Variants in DKK2 observed in about 807,000 individuals in gnomAD.
DKK2 encodes dickkopf-related protein 2.
In DKK2, 11 loss-of-function variants were observed where a neutral mutation model predicts 28.1. The ratio of observed to expected loss-of-function variants is 0.39; its 90% CI spans 0.25 to 0.65. DKK2 has a LOEUF of 0.65. Among genes scored for constraint, DKK2 ranks in the 30% least tolerant of loss-of-function variants. DKK2 has a pLI of 0.47. For synonymous variants in DKK2, 135 were observed against 126.5 expected (o/e 1.07, Z -0.45); for missense variants, 326 against 335.5 (o/e 0.97, Z 0.22).
intron 1 of DKK2, among the ~76,000 whole-genome samples, chr4:106,998,128 T>C (rs555747187): frequency 1.8e-4 from 28 of 152,260 alleles, no homozygotes; most frequent in African/African-American, 6.3e-4. Flanking sequence ...ACAACTAGCA[T>C]GGAGGGCTTG....
At chr4:106,942,353 A>T (rs1272791602) in intron 1 of DKK2, among the ~76,000 whole-genome samples, 1 of 152,090 alleles carries the variant, frequency 6.6e-6, no homozygotes, top group African/African-American at 2.4e-5. Context: ...AAAAAATGAA[A>T]TCCTGTCTCC....
In DKK2 at chr4:106,924,011, T is replaced by A. The variant is rs1418389742; in HGVS notation, c.723A>T (p.Val241=). ...TGGAGGAGTAGGTGGCATCTTTCCATACTTTGCAAGACAGGCCCTTCGCAC... is the reference window on the plus strand; with the variant it reads ...TGGAGGAGTAGGTGGCATCTTTCCAAACTTTGCAAGACAGGCCCTTCGCAC... ...CDCAKGLSCK[V]WKDATYSSKA... is the part of the protein sequence containing the mutation. Residue 241 remains valine, a synonymous_variant, in exon 4 of 4, where the codon GTA becomes GTT. Transcript: ENST00000285311. 6.2e-7 allele frequency: 1 copy of A among 1,613,982 alleles called. No homozygotes were observed. Among genetic ancestry groups the A allele is most frequent in the East Asian group, 2.2e-5 (1 of 44,864 alleles).
intron 1 of DKK2, among the ~76,000 whole-genome samples, chr4:106,968,603 T>TTC (rs1386954803): frequency 7.7e-6 from 1 of 130,630 alleles, no homozygotes; most frequent in Admixed American, 7.4e-5. Context: ...ATTGCAAACA[T>TTC]TATATTTACT....
At chr4:106,977,693 G>C (rs900258716) in intron 1 of DKK2, among the ~76,000 whole-genome samples, 1 of 152,188 alleles carries the variant, frequency 6.6e-6, no homozygotes, top group South Asian at 2.1e-4. Flanking sequence ...TGCTCCTTTA[G>C]CTCAGAGGAG....
intron 1 of DKK2, among the ~76,000 whole-genome samples, chr4:106,989,353 CA>C (rs1321143845): frequency 6.6e-6 from 1 of 152,046 alleles, no homozygotes; most frequent in African/African-American, 2.4e-5. Context: ...TTATGTTTTC[CA>C]GCTGTGTGAC....
At chr4:107,017,171 G>A (rs1441443954) in intron 1 of DKK2, among the ~76,000 whole-genome samples, 1 of 151,900 alleles carries the variant, frequency 6.6e-6, no homozygotes, top group African/African-American at 2.4e-5. Context: ...CTATAATGTA[G>A]TCCAGAATCA....
chr4:106,938,811 G>A (rs563208887), intron 1 of DKK2, among the ~76,000 whole-genome samples: 65 of 151,232 alleles, frequency 4.3e-4, no homozygotes, highest in African/African-American at 1.4e-3. Flanking sequence ...TTCAATATAC[G>A]CAAATCAATA....
In DKK2 at chr4:107,006,516, A is replaced by G. The variant is rs535824747; in HGVS notation, c.222+28854T>C. Among the ~76,000 whole-genome samples the G allele has an allele frequency of 5.5e-4, 84 of 152,312 alleles. 1 individual carries two copies. The highest frequency in any genetic ancestry group is 3.4e-3 in the Middle Eastern group (1 of 294). On this transcript the variant is annotated intron_variant, in intron 1 of 3. Coordinates refer to ENST00000285311, the MANE Select transcript of DKK2 (RefSeq NM_014421.3). ...CAAGAAGGTTTGTTTGTCTGGGTTG[A>G]ATTTCTAGGATCTGCTTGAAATCTT... is the stretch of plus-strand genomic sequence containing the variant.
At chr4:106,955,735 A>T in intron 1 of DKK2, among the ~76,000 whole-genome samples, 1 of 151,566 alleles carries the variant, frequency 6.6e-6, no homozygotes, top group South Asian at 2.1e-4. Context: ...GAGAACAAAT[A>T]AAAAAACCAT....
At chr4:106,964,974 T>G (rs2110351833) in intron 1 of DKK2, among the ~76,000 whole-genome samples, 1 of 144,956 alleles carries the variant, frequency 6.9e-6, no homozygotes, top group Non-Finnish European at 1.5e-5. Context: ...GATAGATAGA[T>G]AGATAGATAG....
Position 106,922,540 on chromosome 4 carries a change from A to T in DKK2, c.*1414T>A, listed in dbSNP as rs971998524. On this transcript the variant is annotated 3_prime_UTR_variant, in exon 4 of 4. Transcript: ENST00000285311. ...AAACCGAAACTAGCCCTTTGGCAAT[A>T]AAGCAGATGCTGCAGAGGTTTGGGA... 25 of 152,316 alleles carry T rather than the reference A, an allele frequency of 1.6e-4. No homozygotes were observed. Among genetic ancestry groups the T allele is most frequent in the African/African-American group, 5.5e-4 (23 of 41,588 alleles). The allele number at this position is 152,316 out of a possible 1,614,324, so 9.4% of individuals were successfully genotyped here. A position where few individuals can be genotyped will look rare whatever the true frequency, so the allele number is the denominator to read the frequency against.
intron 1 of DKK2, among the ~76,000 whole-genome samples, chr4:106,943,769 C>G (rs1724736700): frequency 6.6e-6 from 1 of 152,064 alleles, no homozygotes; most frequent in South Asian, 2.1e-4. Context: ...TCTTTCATTT[C>G]TAAGTGGCAT....
At chr4:106,984,128 ACT>A (rs1466700590) in intron 1 of DKK2, among the ~76,000 whole-genome samples, 1 of 152,134 alleles carries the variant, frequency 6.6e-6, no homozygotes, top group East Asian at 1.9e-4. Flanking sequence ...AGAAATGAAG[ACT>A]CTGTTCACAC....
chr4:107,009,830 G>T (rs1202412185), intron 1 of DKK2, among the ~76,000 whole-genome samples: 1 of 151,716 alleles, frequency 6.6e-6, no homozygotes, highest in Non-Finnish European at 1.5e-5. Context: ...GCAATTTTAG[G>T]CTCTTTGGCT....
intron 1 of DKK2, among the ~76,000 whole-genome samples, chr4:106,969,250 C>A (rs1358545126): frequency 2.0e-5 from 3 of 151,596 alleles, no homozygotes; most frequent in African/African-American, 7.3e-5. Flanking sequence ...GCTTGTCTCC[C>A]ATCTCCCCCT....
chr4:107,032,471 G>C (rs1454386364), intron 1 of DKK2, among the ~76,000 whole-genome samples: 1 of 151,976 alleles, frequency 6.6e-6, no homozygotes, highest in African/African-American at 2.4e-5. Flanking sequence ...TAAAACTATA[G>C]AGCTCATATA....
In DKK2 at chr4:106,924,098, T is replaced by C. The variant is rs781106691; in HGVS notation, c.636A>G (p.Glu212=). 6.2e-7 allele frequency: 1 copy of C among 1,614,014 alleles called. No individual in the cohort carries two copies. The highest frequency in any genetic ancestry group is 2.2e-5 in the East Asian group (1 of 44,854). Residue 212 remains glutamate, a synonymous_variant, in exon 4 of 4, where the codon GAA becomes GAG. Transcript: ENST00000285311. ...CCTTCTTGCGTTGTTTGGTACAGAC[T>C]TCCCCCTGATGGAGCACTGGTTTGC... ...KICKPVLHQG[E]VCTKQRKKGS...
chr4:107,004,132 C>T (rs1723403059), intron 1 of DKK2, among the ~76,000 whole-genome samples: 1 of 152,158 alleles, frequency 6.6e-6, no homozygotes, highest in Admixed American at 6.5e-5. Flanking sequence ...GCCCACCATT[C>T]CAGACCACAT....
intron 3 of DKK2, 156 bp downstream of exon 3, chr4:106,924,389 G>T: frequency 8.0e-7 from 1 of 1,249,292 alleles, no homozygotes; most frequent in Non-Finnish European, 1.1e-6. Context: ...ATTATGGTCT[G>T]TTTCCATTAT....
Sources: gnomAD v4.1 joint callset for allele counts (sites outside exome capture counted in the v4.1 genomes callset) on GRCh38, gnomAD v4.1.1 for gene constraint, MANE v1.5 for transcripts, NCBI Gene and HGNC (gene_info 2026-07-23, HGNC 2026-07-21) for gene names.